The following TMEM64 variants were observed in gnomAD, a reference collection of about 807,000 sequenced individuals.
The protein encoded by TMEM64 is transmembrane protein 64.
Under a neutral mutation model 24.5 loss-of-function variants are expected in TMEM64, and 19 were observed. The ratio of observed to expected loss-of-function variants is 0.78; its 90% confidence interval spans 0.54 to 1.14. The LOEUF is 1.14. Ranked by LOEUF, TMEM64 falls within the 50% of genes most tolerant of loss-of-function variation. The pLI is 0.00. For missense variants in TMEM64, 487 were observed against 493.0 expected, an observed-to-expected ratio of 0.99 and a Z score of 0.12; for synonymous variants, 262 against 224.7, an observed-to-expected ratio of 1.17 and a Z score of -1.49.
chr8:90,633,791 T>TA (rs1809475862), intron 1 of TMEM64, among the ~76,000 whole-genome samples: 1 of 152,212 alleles, frequency 6.6e-6, no homozygotes, highest in African/African-American at 2.4e-5. Context: ...ATATGTTTTT[T>TA]ATTCACATTT....
chr8:90,630,025 G>A (rs1809414514), intron 2 of TMEM64, among the ~76,000 whole-genome samples: 1 of 152,026 alleles, frequency 6.6e-6, no homozygotes, highest in Non-Finnish European at 1.5e-5. Flanking sequence ...CTCAATAACA[G>A]TTAAGTTAAA....
chr8:90,627,799 G>GA (rs1276071023), intron 2 of TMEM64, among the ~76,000 whole-genome samples: 12 of 151,012 alleles, frequency 7.9e-5, no homozygotes, highest in Admixed American at 7.9e-4. Context: ...TAGGCAAGTG[G>GA]AAAAAAAAAG....
At chr8:90,637,552 G>A (rs889413389) in intron 1 of TMEM64, among the ~76,000 whole-genome samples, 4 of 151,882 alleles carry the variant, frequency 2.6e-5, no homozygotes, top group African/African-American at 4.8e-5. Context: ...CAAAGTTACT[G>A]TTAAAATATT....
At chr8:90,636,302 C>T (rs1227309377) in intron 1 of TMEM64, among the ~76,000 whole-genome samples, 2 of 152,198 alleles carry the variant, frequency 1.3e-5, no homozygotes, top group Admixed American at 1.3e-4. Flanking sequence ...GTTGCCCAGG[C>T]TAGAGTGCAA....
In TMEM64 at chr8:90,645,063, G is replaced by A. The variant is rs756048599; in HGVS notation, c.795+48C>T. The A allele has an allele frequency of 4.5e-6, 7 of 1,555,514 alleles. No individual in the cohort carries two copies. In the East Asian group the frequency reaches 6.8e-5, roughly 15 times the overall value. On this transcript the variant is annotated intron_variant, in intron 1 of 2. Coordinates refer to ENST00000458549, the MANE Select transcript of TMEM64 (RefSeq NM_001008495.4). This position sits in a 1 kb window ranked among gnomAD's most constrained non-coding sequence, Gnocchi z 4.2. Reference sequence around the variant, plus strand: ...GCCCTCCTAGGGCCGCCACAAGACCGCTCAAAAACAGACTTGGAGAGGGAT... The same window carrying A: ...GCCCTCCTAGGGCCGCCACAAGACCACTCAAAAACAGACTTGGAGAGGGAT...
At position 90,645,167 on chromosome 8, in the gene TMEM64, C is replaced by A; in HGVS notation, c.739G>T (p.Val247Leu). 6.2e-7 allele frequency: 1 copy of A among 1,614,080 alleles called. No homozygotes were observed. Among genetic ancestry groups the A allele is most frequent in the Non-Finnish European group, 8.5e-7 (1 of 1,179,956 alleles). ...VVEGGSGLKV[V>L]ALARLTPIPF... Reference sequence around the variant, plus strand: ...ATGGGTGTCAGTCTGGCCAGCGCCACCACTTTCAGGCCGCTTCCTCCCTCC... The same window carrying A: ...ATGGGTGTCAGTCTGGCCAGCGCCAACACTTTCAGGCCGCTTCCTCCCTCC... Residue 247 changes from valine to leucine, a missense_variant, in exon 1 of 3, where the codon GTG (valine) becomes TTG (leucine). Around this residue, in one of 3 missense-constraint regions of TMEM64, gnomAD observed 419 missense variants for 407.5 expected, o/e 1.03. Coordinates refer to ENST00000458549, the MANE Select transcript of TMEM64 (RefSeq NM_001008495.4). This position sits in a 1 kb window ranked among gnomAD's most constrained non-coding sequence, Gnocchi z 4.2.
chr8:90,626,534 G>A (rs1248435332), intron 2 of TMEM64, among the ~76,000 whole-genome samples: 1 of 151,906 alleles, frequency 6.6e-6, no homozygotes, highest in Non-Finnish European at 1.5e-5. Flanking sequence ...TCTAGTCTTA[G>A]CTTAGCTATT....
At chr8:90,633,845 G>A (rs1301165074) in intron 1 of TMEM64, among the ~76,000 whole-genome samples, 1 of 152,030 alleles carries the variant, frequency 6.6e-6, no homozygotes, top group Non-Finnish European at 1.5e-5. Flanking sequence ...TTATTGGGAT[G>A]TTAAGTGTTT....
In TMEM64 at chr8:90,624,116, T is replaced by C. The variant is rs1231489647; in HGVS notation, c.*1555A>G. 6.6e-6 allele frequency: 1 copy of C among 152,154 alleles called. No homozygotes were observed. Among genetic ancestry groups the C allele is most frequent in the East Asian group, 1.9e-4 (1 of 5,194 alleles). 9.4% of individuals were successfully genotyped at this position (152,154 alleles called of 1,614,324 possible). A position where few individuals can be genotyped will look rare whatever the true frequency, so the allele number is the denominator to read the frequency against. ...TAGGTATGGACATATAAATGAACTT[T>C]ACTGTTACTCAAAGGTGAGAAAACT... is the stretch of plus-strand genomic sequence containing the variant. On this transcript the variant is annotated 3_prime_UTR_variant, in exon 3 of 3. Coordinates refer to ENST00000458549, the MANE Select transcript of TMEM64 (RefSeq NM_001008495.4).
At chr8:90,634,572 T>C (rs768643535) in intron 1 of TMEM64, among the ~76,000 whole-genome samples, 7 of 152,232 alleles carry the variant, frequency 4.6e-5, no homozygotes, top group Non-Finnish European at 1.0e-4. Context: ...TTAATCTGGA[T>C]AGACCTGAAA....
chr8:90,640,912 T>G (rs7011692), intron 1 of TMEM64, among the ~76,000 whole-genome samples: 25,988 of 152,056 alleles, frequency 0.17, 4,697 homozygotes, highest in African/African-American at 0.46. Context: ...TTGGTAACAT[T>G]CAATTCTATA....
chr8:90,628,566 A>G (rs886671532), intron 2 of TMEM64, among the ~76,000 whole-genome samples: 2 of 152,218 alleles, frequency 1.3e-5, no homozygotes, highest in African/African-American at 2.4e-5. Flanking sequence ...GTCTGGTTAC[A>G]TGACTTCCCC....
At position 90,631,659 on chromosome 8, in the gene TMEM64, G is replaced by C. The variant is rs1809441350; in HGVS notation, c.844C>G (p.Leu282Val). The change falls in exon 2 of 3, where the codon CTG (leucine) becomes GTG (valine). Residue 282 changes from leucine to valine, a missense_variant. Transcript: ENST00000458549. ...GAATTCAGAAGCTGGGTAGGAAGCA[G>C]TCCAACCGAAGATGCCATCAGATAG... ...PNYLMASSVG[L>V]LPTQLLNSYL... 2 of 1,613,616 alleles carry C rather than the reference G, an allele frequency of 1.2e-6. No individual in the cohort carries two copies. The highest frequency in any genetic ancestry group is 2.7e-5 in the African/African-American group (2 of 74,936).
intron 1 of TMEM64, among the ~76,000 whole-genome samples, chr8:90,634,408 G>A (rs192484926): frequency 1.3e-5 from 2 of 152,170 alleles, no homozygotes; most frequent in East Asian, 3.9e-4. Context: ...CAGTTAATAC[G>A]TGGCAAGGAA....
intron 1 of TMEM64, among the ~76,000 whole-genome samples, chr8:90,642,305 A>C (rs1181426250): frequency 6.6e-6 from 1 of 152,174 alleles, no homozygotes; most frequent in Non-Finnish European, 1.5e-5. Flanking sequence ...AGGATCATCT[A>C]TTTCCAAAGC....
intron 1 of TMEM64, among the ~76,000 whole-genome samples, chr8:90,634,744 C>T (rs1809489655): frequency 6.6e-6 from 1 of 152,126 alleles, no homozygotes; most frequent in Non-Finnish European, 1.5e-5. Flanking sequence ...GCCACTACTA[C>T]TGATTTTGAA....
In TMEM64 at chr8:90,625,391, C is replaced by T. The variant is rs763125760; in HGVS notation, c.*280G>A. Reference sequence around the variant, plus strand: ...ATAATATTTGGGTTATTTCTCTGTTCGTAAATACACAGAAATAAAACAATT... The same window carrying T: ...ATAATATTTGGGTTATTTCTCTGTTTGTAAATACACAGAAATAAAACAATT... On this transcript the variant is annotated 3_prime_UTR_variant, in exon 3 of 3. Transcript: ENST00000458549. 1.1e-4 allele frequency: 28 copies of T among 263,400 alleles called. No homozygotes were observed. The highest frequency in any genetic ancestry group is 1.4e-4 in the Non-Finnish European group (20 of 139,784). The allele number at this position is 263,400 out of a possible 1,614,324, so 16.3% of individuals were successfully genotyped here.
At chr8:90,640,248 A>T (rs542831221) in intron 1 of TMEM64, among the ~76,000 whole-genome samples, 11 of 152,348 alleles carry the variant, frequency 7.2e-5, no homozygotes, top group Non-Finnish European at 1.5e-4. Context: ...ATCATTAGAT[A>T]CACTGATACA....
rs1809324938 is a variant in TMEM64 at position 90,624,441 on chromosome 8, G to A, written c.*1230C>T. The A allele has an allele frequency of 6.6e-6, 1 of 152,310 alleles. No individual in the cohort carries two copies. The allele number at this position is 152,310 out of a possible 1,614,324, so 9.4% of individuals were successfully genotyped here. A position where few individuals can be genotyped will look rare whatever the true frequency, so the allele number is the denominator to read the frequency against. On this transcript the variant is annotated 3_prime_UTR_variant, in exon 3 of 3. Transcript: ENST00000458549. ...TTATAAACTATTTTAAAAATAAAACGAATACATATGTAATATGAATCATAT... is the reference window on the plus strand; with the variant it reads ...TTATAAACTATTTTAAAAATAAAACAAATACATATGTAATATGAATCATAT...
Sources: gnomAD v4.1 joint callset for allele counts (sites outside exome capture counted in the v4.1 genomes callset) on GRCh38, gnomAD v4.1.1 for gene constraint, gnomAD v4.1.1 regional missense constraint, Gnocchi (gnomAD v3.1) non-coding constraint, MANE v1.5 for transcripts, NCBI Gene and HGNC (gene_info 2026-07-23, HGNC 2026-07-21) for gene names.